The following BRWD3 variants were observed in gnomAD, a reference collection of about 807,000 sequenced individuals.
The protein encoded by BRWD3 is bromodomain and WD repeat-containing protein 3.
BRWD3 carries 10 observed loss-of-function variants against 149.7 expected under a neutral mutation model. The ratio of observed to expected loss-of-function variants is 0.07; its 90% CI spans 0.04 to 0.11. The LOEUF is 0.11. Among genes scored for constraint, BRWD3 ranks in the 10% least tolerant of loss-of-function variants. The pLI, the probability that BRWD3 is intolerant of heterozygous loss-of-function variation, is 1.00. For missense variants in BRWD3, 940 were observed against 1,373.2 expected, an observed-to-expected ratio of 0.68 and a Z score of 4.99; for synonymous variants, 504 against 456.7, an observed-to-expected ratio of 1.10 and a Z score of -1.32.
Position 80,791,851 on chromosome X carries a change from C to T in BRWD3, c.430+3G>A, listed in dbSNP as rs1168997665. On this transcript the variant is annotated splice_donor_region_variant and intron_variant, in intron 6 of 40. Transcript: ENST00000373275. ...GTTTATAACACACAGGTATATTACT[C>T]ACCCACATTTGGAGGTTTCACATAA... 7 of 1,182,293 alleles carry T rather than the reference C, an allele frequency of 5.9e-6. No homozygotes were observed. Among genetic ancestry groups the T allele is most frequent in the South Asian group, 1.8e-5 (1 of 55,989 alleles).
chrX:80,808,465 G>A (rs1288072062), intron 4 of BRWD3, 74 bp downstream of exon 4: 2 of 830,631 alleles, frequency 2.4e-6, no homozygotes, highest in Admixed American at 2.5e-5. Context: ...AGAGGTGGGG[G>A]GCGGGTTGGG....
chrX:80,799,224 T>A (rs1237319614), intron 4 of BRWD3, among the ~76,000 whole-genome samples: 2 of 111,993 alleles, frequency 1.8e-5, no homozygotes, highest in Non-Finnish European at 3.8e-5. Flanking sequence ...ACGGAGATGA[T>A]ACTATTCATC....
chrX:80,677,650 T>C (rs918633473), intron 40 of BRWD3, among the ~76,000 whole-genome samples: 2 of 111,761 alleles, frequency 1.8e-5, no homozygotes, highest in African/African-American at 6.5e-5. Flanking sequence ...CTAATTAGTA[T>C]AGTTTCATTC....
intron 6 of BRWD3, among the ~76,000 whole-genome samples, chrX:80,770,102 A>T (rs1390491177): frequency 1.8e-5 from 2 of 111,708 alleles, no homozygotes; most frequent in Non-Finnish European, 3.8e-5. Context: ...AATTGAGGCA[A>T]TAATTAATAG....
rs771447529 is a variant in BRWD3, at chrX:80,692,830, G to A, written c.3263+110C>T. The A allele has an allele frequency of 1.1e-4, 69 of 609,547 alleles. 1 individual carries two copies. The African/African-American group carries it at 1.3e-3, about 12-fold the overall frequency. The allele number at this position is 609,547 out of a possible 1,213,427, so 50.2% of individuals were successfully genotyped here. A position where few individuals can be genotyped will look rare whatever the true frequency, so the allele number is the denominator to read the frequency against. On this transcript the variant is annotated intron_variant, in intron 28 of 40. Coordinates refer to ENST00000373275, the MANE Select transcript of BRWD3 (RefSeq NM_153252.5). The stretch of plus-strand genomic sequence containing the variant: ...TTTCTTCTTTACAGGTACAGGTATT[G>A]TGAGACTAGATAAGTCAGATAAAAG...
intron 8 of BRWD3, among the ~76,000 whole-genome samples, chrX:80,737,809 T>C (rs1052608211): frequency 1.8e-5 from 2 of 112,835 alleles, no homozygotes; most frequent in South Asian, 7.3e-4. Context: ...CACTCCAGCC[T>C]GGGCTACACA....
intron 40 of BRWD3, among the ~76,000 whole-genome samples, chrX:80,678,600 C>T (rs2072400885): frequency 9.0e-6 from 1 of 111,396 alleles, no homozygotes; most frequent in African/African-American, 3.3e-5. Flanking sequence ...ACTAGGAGAG[C>T]TCACTGAGTG....
At chrX:80,802,246 G>A (rs1602454765) in intron 4 of BRWD3, among the ~76,000 whole-genome samples, 1 of 109,813 alleles carries the variant, frequency 9.1e-6, no homozygotes, top group East Asian at 2.9e-4. Context: ...TTCAAGACTA[G>A]CCTTGGCCAA....
intron 35 of BRWD3, 115 bp from the exon 36 acceptor site, chrX:80,685,651 CGG>C: frequency 1.8e-6 from 1 of 564,772 alleles, no homozygotes; most frequent in Non-Finnish European, 3.0e-6. Context: ...CATGTTTTAT[CGG>C]CTGTACTTTA....
At chrX:80,755,428 T>G (rs894928963) in intron 6 of BRWD3, among the ~76,000 whole-genome samples, 2 of 111,775 alleles carry the variant, frequency 1.8e-5, no homozygotes, top group African/African-American at 6.5e-5. Flanking sequence ...GAAATTTAAA[T>G]GAAAATGAGG....
At chrX:80,779,561 A>G (rs2074036781) in intron 6 of BRWD3, among the ~76,000 whole-genome samples, 1 of 111,205 alleles carries the variant, frequency 9.0e-6, no homozygotes, top group Non-Finnish European at 1.9e-5. Flanking sequence ...AAAAAAATAA[A>G]AAAATTAGCC....
At chrX:80,751,981 CATT>C (rs199879142) in intron 6 of BRWD3, among the ~76,000 whole-genome samples, 23,816 of 87,469 alleles carry the variant, frequency 0.27, 3,125 homozygotes, top group East Asian at 0.48. Context: ...ATTCATATTT[CATT>C]ATTATTATTA....
chrX:80,698,170 T>C (rs1406036863), intron 25 of BRWD3, among the ~76,000 whole-genome samples: 1 of 112,205 alleles, frequency 8.9e-6, no homozygotes, highest in Non-Finnish European at 1.9e-5. Context: ...GTTTTTTTGC[T>C]TGTTGATTGA....
chrX:80,769,641 G>T (rs2073910255), intron 6 of BRWD3, among the ~76,000 whole-genome samples: 1 of 111,232 alleles, frequency 9.0e-6, no homozygotes. Flanking sequence ...CAGAAAGCAG[G>T]AAAGATCTAA....
Position 80,735,028 on chromosome X carries a change from A to G in BRWD3, c.985+99T>C, listed in dbSNP as rs974383273. 8.4e-5 allele frequency: 63 copies of G among 747,952 alleles called. 1 individual carries two copies. In the South Asian group the frequency reaches 1.3e-3, roughly 16 times the overall value. The allele number at this position is 747,952 out of a possible 1,213,427, so 61.6% of individuals were successfully genotyped here. ...TGGTTCAGATTTTTGATATCCTTCA[A>G]TTAACACTCAAATGTGTATCTTTTT... On this transcript the variant is annotated intron_variant, in intron 10 of 40. Transcript: ENST00000373275.
Position 80,676,358 on chromosome X carries a change from T to G in BRWD3, c.*251A>C. 1 of 400,339 alleles carries G rather than the reference T, an allele frequency of 2.5e-6. No homozygotes were observed. The highest frequency in any genetic ancestry group is 4.4e-6 in the Non-Finnish European group (1 of 228,841). The allele number at this position is 400,339 out of a possible 1,213,427, so 33.0% of individuals were successfully genotyped here. ...GTGTGTGTGTGTCTGTGTGTGTGTA[T>G]GTGTGTGTATGTGTTTGTGTGTGTG... On this transcript the variant is annotated 3_prime_UTR_variant, in exon 41 of 41. Coordinates refer to ENST00000373275, the MANE Select transcript of BRWD3 (RefSeq NM_153252.5).
chrX:80,786,516 C>CTA (rs774404451), intron 6 of BRWD3, among the ~76,000 whole-genome samples: 20,826 of 104,294 alleles, frequency 0.2, 1,697 homozygotes, highest in South Asian at 0.42. Flanking sequence ...TTTAATTTGC[C>CTA]TATATATATA....
intron 14 of BRWD3, among the ~76,000 whole-genome samples, chrX:80,726,057 AAC>A (rs200357216): frequency 1.6e-3 from 84 of 51,715 alleles, no homozygotes; most frequent in Admixed American, 8.2e-3. Context: ...ATGTCTATAT[AAC>A]ACAACATGTT....
intron 18 of BRWD3, among the ~76,000 whole-genome samples, chrX:80,719,077 A>G (rs752607959): frequency 9.1e-6 from 1 of 110,017 alleles, no homozygotes; most frequent in East Asian, 2.8e-4. Flanking sequence ...TTTTTTATTC[A>G]AGAGAAGAGC....
Sources: allele counts gnomAD v4.1 joint callset (sites outside exome capture counted in the v4.1 genomes callset), GRCh38; gene constraint gnomAD v4.1.1; transcripts MANE v1.5; gene names NCBI Gene and HGNC (gene_info 2026-07-23, HGNC 2026-07-21).